The following CDH12 variants were observed in gnomAD, a reference collection of about 807,000 sequenced individuals.
The protein encoded by CDH12 is cadherin 12.
Under a neutral mutation model 74.1 loss-of-function variants are expected in CDH12, and 41 were observed. The observed-to-expected ratio is 0.55, with a 90% CI of 0.43 to 0.72. CDH12 has a LOEUF of 0.72. CDH12 is among the 30% of genes least tolerant of loss of function. CDH12 has a pLI of 0.00. For missense variants in CDH12, 945 were observed against 977.2 expected, an observed-to-expected ratio of 0.97 and a Z score of 0.44; for synonymous variants, 399 against 355.0, an observed-to-expected ratio of 1.12 and a Z score of -1.39.
At chr5:22,266,269 T>C (rs1247985856) in intron 3 of CDH12, among the ~76,000 whole-genome samples, 1 of 151,844 alleles carries the variant, frequency 6.6e-6, no homozygotes, top group Admixed American at 6.6e-5. Flanking sequence ...AGAGACGGGG[T>C]TTCACCATGT....
At chr5:22,675,401 T>C (rs1741112670) in intron 1 of CDH12, among the ~76,000 whole-genome samples, 1 of 152,252 alleles carries the variant, frequency 6.6e-6, no homozygotes. Context: ...TTTCAGAGGA[T>C]GTATGGAAAT....
chr5:22,008,748 TTGCATG>T (rs1258480898), intron 5 of CDH12, among the ~76,000 whole-genome samples: 2 of 152,118 alleles, frequency 1.3e-5, no homozygotes, highest in Non-Finnish European at 2.9e-5. Flanking sequence ...GGATTTGGGT[TTGCATG>T]TCCCAGATAT....
intron 1 of CDH12, among the ~76,000 whole-genome samples, chr5:22,759,133 G>A (rs1359845790): frequency 6.6e-6 from 1 of 151,944 alleles, no homozygotes; most frequent in Non-Finnish European, 1.5e-5. Flanking sequence ...ATCAGAACTG[G>A]CAACCTGGAC....
chr5:21,950,139 C>A lies in CDH12; in HGVS notation c.526+24952G>T, dbSNP rs1333261859. Among the ~76,000 whole-genome samples, 3 of 151,678 alleles carry A rather than the reference C, an allele frequency of 2.0e-5. No individual in the cohort carries two copies. The East Asian group carries it at 5.8e-4, about 29-fold the overall frequency. Reference sequence around the variant, plus strand: ...AATATTTACCATTGTGTTGCAAATGCCTACAGTATTCAGCACAGTAACATG... The same window carrying A: ...AATATTTACCATTGTGTTGCAAATGACTACAGTATTCAGCACAGTAACATG... On this transcript the variant is annotated intron_variant, in intron 6 of 14. Coordinates refer to ENST00000382254, the MANE Select transcript of CDH12 (RefSeq NM_004061.5).
At chr5:22,392,786 A>G (rs1360854832) in intron 3 of CDH12, among the ~76,000 whole-genome samples, 1 of 152,194 alleles carries the variant, frequency 6.6e-6, no homozygotes, top group African/African-American at 2.4e-5. Flanking sequence ...TGATGCCGAC[A>G]TGAGCTAGAA....
chr5:22,021,883 G>A lies in CDH12; in HGVS notation c.232-46498C>T, dbSNP rs750009398. Among the ~76,000 whole-genome samples the A allele has an allele frequency of 2.6e-5, 4 of 152,262 alleles. No homozygotes were observed. In the East Asian group the frequency reaches 5.8e-4, roughly 22 times the overall value. On this transcript the variant is annotated intron_variant, in intron 5 of 14. Coordinates refer to ENST00000382254, the MANE Select transcript of CDH12 (RefSeq NM_004061.5). ...GACTAAGGCTTGCTCTGTCACCCAC[G>A]CTGAAGCGCAGTGGCACAATCATAG...
intron 4 of CDH12, among the ~76,000 whole-genome samples, chr5:22,130,834 C>T (rs895232808): frequency 2.6e-5 from 4 of 151,902 alleles, no homozygotes; most frequent in South Asian, 2.1e-4. Context: ...TTCTCACATG[C>T]CCTCACCATC....
intron 4 of CDH12, among the ~76,000 whole-genome samples, chr5:22,180,771 G>A (rs1749600811): frequency 6.6e-6 from 1 of 152,000 alleles, no homozygotes; most frequent in Non-Finnish European, 1.5e-5. Context: ...AAAGTGCTGG[G>A]ATTATGGGCA....
chr5:22,492,159 A>G (rs1436925002), intron 2 of CDH12, among the ~76,000 whole-genome samples: 1 of 152,100 alleles, frequency 6.6e-6, no homozygotes, highest in South Asian at 2.1e-4. Flanking sequence ...AGCACAGATA[A>G]CAGCGCCCTG....
chr5:22,622,488 A>C (rs1310447831), intron 1 of CDH12, among the ~76,000 whole-genome samples: 1 of 152,108 alleles, frequency 6.6e-6, no homozygotes, highest in African/African-American at 2.4e-5. Flanking sequence ...GATAAAGAGG[A>C]TATCACCACC....
intron 9 of CDH12, among the ~76,000 whole-genome samples, chr5:21,812,805 G>A (rs1302081470): frequency 6.6e-6 from 1 of 152,136 alleles, no homozygotes; most frequent in Non-Finnish European, 1.5e-5. Context: ...AGATTCAATA[G>A]ATGTAGGGTG....
At chr5:22,059,359 CT>C (rs774951216) in intron 5 of CDH12, among the ~76,000 whole-genome samples, 2 of 122,046 alleles carry the variant, frequency 1.6e-5, no homozygotes, top group Non-Finnish European at 3.2e-5. Context: ...ATCTATCTAT[CT>C]ATCTATCTAT....
At chr5:21,793,302 T>G (rs10050611) in intron 10 of CDH12, among the ~76,000 whole-genome samples, 4,585 of 151,860 alleles carry the variant, frequency 0.03, 208 homozygotes, top group African/African-American at 0.097. Flanking sequence ...ACTATTTTGT[T>G]TTGTTCATTA....
At chr5:22,606,681 G>T (rs1233151267) in intron 1 of CDH12, among the ~76,000 whole-genome samples, 1 of 152,046 alleles carries the variant, frequency 6.6e-6, no homozygotes, top group African/African-American at 2.4e-5. Flanking sequence ...ACCCAGTCTT[G>T]GGCAGTTCTT....
At chr5:22,396,149 C>T (rs1002937574) in intron 3 of CDH12, among the ~76,000 whole-genome samples, 5 of 151,992 alleles carry the variant, frequency 3.3e-5, no homozygotes, top group Admixed American at 6.6e-5. Flanking sequence ...AAATATTACC[C>T]AAAGACAGAC....
intron 1 of CDH12, among the ~76,000 whole-genome samples, chr5:22,727,950 GT>G (rs1291191875): frequency 6.6e-6 from 1 of 151,392 alleles, no homozygotes; most frequent in African/African-American, 2.4e-5. Context: ...AAGTTGTTGA[GT>G]TTTTTCAATT....
Position 22,095,049 on chromosome 5 carries a change from C to T in CDH12, c.-186-16187G>A, listed in dbSNP as rs185181630. Among the ~76,000 whole-genome samples the T allele has an allele frequency of 1.7e-3, 255 of 152,302 alleles. 3 individuals carry two copies. Among genetic ancestry groups the T allele is most frequent in the African/African-American group, 6.0e-3 (249 of 41,576 alleles). ...AAGCCTGTTTAGTGGTCTCTTCACA[C>T]GGACATACATGAAATTTGGTGCCGT... On this transcript the variant is annotated intron_variant, in intron 4 of 14. Transcript: ENST00000382254.
At chr5:22,791,840 C>G (rs552107304) in intron 1 of CDH12, among the ~76,000 whole-genome samples, 144 of 152,220 alleles carry the variant, frequency 9.5e-4, no homozygotes, top group African/African-American at 3.2e-3. Context: ...AGGGGGAAAT[C>G]CGCCTCTGTG....
intron 1 of CDH12, among the ~76,000 whole-genome samples, chr5:22,667,592 GAT>G (rs1740690142): frequency 6.6e-6 from 1 of 152,138 alleles, no homozygotes; most frequent in Non-Finnish European, 1.5e-5. Flanking sequence ...CACTACTATG[GAT>G]TCTGCTTTAA....
Sources: allele counts gnomAD v4.1 joint callset (sites outside exome capture counted in the v4.1 genomes callset), GRCh38; gene constraint gnomAD v4.1.1; transcripts MANE v1.5; gene names NCBI Gene and HGNC (gene_info 2026-07-23, HGNC 2026-07-21).